Variants in PIGK observed in about 807,000 individuals in gnomAD.
The protein encoded by PIGK is GPI-anchor transamidase.
PIGK carries 42 observed loss-of-function variants against 50.6 expected under a neutral mutation model. The observed-to-expected ratio is 0.83, with a 90% CI of 0.65 to 1.07. The LOEUF (loss-of-function observed/expected upper bound fraction) is 1.07. PIGK is among the 50% of genes least tolerant of loss of function. The pLI, the probability that PIGK is intolerant of heterozygous loss-of-function variation, is 0.00. For synonymous variants in PIGK, 151 were observed against 156.0 expected, an observed-to-expected ratio of 0.97 and a Z score of 0.24; for missense variants, 448 against 488.7, an observed-to-expected ratio of 0.92 and a Z score of 0.78.
chr1:77,128,431 C>G (rs55957022), intron 9 of PIGK, among the ~76,000 whole-genome samples: 11,828 of 152,164 alleles, frequency 0.078, 623 homozygotes, highest in South Asian at 0.21. Context: ...GAAGACCTGC[C>G]AAGCAACTCA....
chr1:77,181,726 G>A (rs1358142307), intron 3 of PIGK, among the ~76,000 whole-genome samples: 3 of 151,600 alleles, frequency 2.0e-5, no homozygotes, highest in African/African-American at 7.2e-5. Flanking sequence ...TTTTCCCCCT[G>A]ACACAAATTA....
chr1:77,210,286 G>T (rs943649175), intron 2 of PIGK, 150 bp downstream of exon 2: 4 of 491,808 alleles, frequency 8.1e-6, no homozygotes, highest in Non-Finnish European at 1.5e-5. Flanking sequence ...TAGTTGATGT[G>T]GTCAATTTAA....
rs115928173 is a variant in PIGK, at chr1:77,115,565, C to T, written c.1071+6710G>A. On this transcript the variant is annotated intron_variant, in intron 10 of 10. Coordinates refer to ENST00000370812, the MANE Select transcript of PIGK (RefSeq NM_005482.3). ...CTGCACAATGAAAGAACTGTCCCATCCAAATACCTAGAATACTCCCAAAGA... is the reference window on the plus strand; with the variant it reads ...CTGCACAATGAAAGAACTGTCCCATTCAAATACCTAGAATACTCCCAAAGA... Among the ~76,000 whole-genome samples, 569 of 152,088 alleles carry T rather than the reference C, an allele frequency of 3.7e-3. 5 individuals carry two copies. Among genetic ancestry groups the T allele is most frequent in the African/African-American group, 0.013 (539 of 41,484 alleles).
chr1:77,176,842 TC>T (rs1655499901), intron 3 of PIGK, among the ~76,000 whole-genome samples: 1 of 151,968 alleles, frequency 6.6e-6, no homozygotes, highest in South Asian at 2.1e-4. Context: ...CCTTCCTGAG[TC>T]CTTAAAGTTT....
chr1:77,148,370 A>C (rs1160922865), intron 9 of PIGK, among the ~76,000 whole-genome samples: 3 of 152,252 alleles, frequency 2.0e-5, no homozygotes, highest in African/African-American at 7.2e-5. Flanking sequence ...CATTGTAAAT[A>C]AAATTTATTT....
chr1:77,197,941 T>A (rs1367710630), intron 3 of PIGK, among the ~76,000 whole-genome samples: 1 of 152,104 alleles, frequency 6.6e-6, no homozygotes, highest in East Asian at 1.9e-4. Context: ...ATATTAGATA[T>A]AAGACACCAA....
chr1:77,098,468 T>C lies in PIGK; in HGVS notation c.1072-5978A>G, dbSNP rs1037742077. On this transcript the variant is annotated intron_variant, in intron 10 of 10. Transcript: ENST00000370812. ...TGCCTCAACACCTCCCTCAAGTAGC[T>C]GGGATTACAGGTGTATGCCACCATG... Among the ~76,000 whole-genome samples, 4 of 152,036 alleles carry C rather than the reference T, an allele frequency of 2.6e-5. No individual in the cohort carries two copies. The East Asian group carries it at 7.8e-4, about 29-fold the overall frequency.
intron 9 of PIGK, among the ~76,000 whole-genome samples, chr1:77,149,168 GA>G (rs1290149445): frequency 6.6e-6 from 1 of 151,608 alleles, no homozygotes; most frequent in Non-Finnish European, 1.5e-5. Context: ...AAGGAAAATA[GA>G]AAAAAAGGAA....
At chr1:77,131,234 T>C (rs905014761) in intron 9 of PIGK, among the ~76,000 whole-genome samples, 3 of 151,636 alleles carry the variant, frequency 2.0e-5, no homozygotes, top group South Asian at 2.1e-4. Context: ...ATAAATAATA[T>C]AGGAATATAT....
At chr1:77,212,771 G>T (rs1219911880) in intron 1 of PIGK, among the ~76,000 whole-genome samples, 1 of 152,146 alleles carries the variant, frequency 6.6e-6, no homozygotes, top group Non-Finnish European at 1.5e-5. Context: ...TTATAAGTAT[G>T]TATGCACCCA....
At chr1:77,163,437 C>T (rs933266901) in intron 6 of PIGK, among the ~76,000 whole-genome samples, 1 of 152,030 alleles carries the variant, frequency 6.6e-6, no homozygotes, top group African/African-American at 2.4e-5. Context: ...AAATTTTATG[C>T]TAATCATAAT....
At chr1:77,181,754 A>C (rs1194723389) in intron 3 of PIGK, among the ~76,000 whole-genome samples, 1 of 152,196 alleles carries the variant, frequency 6.6e-6, no homozygotes, top group African/African-American at 2.4e-5. Flanking sequence ...TACTCTGTAG[A>C]TTACTGGTTC....
chr1:77,174,315 A>C (rs1370802245), intron 3 of PIGK, among the ~76,000 whole-genome samples: 5 of 152,174 alleles, frequency 3.3e-5, no homozygotes, highest in African/African-American at 9.7e-5. Flanking sequence ...TGGATATTCA[A>C]GCTCTAACAG....
chr1:77,164,027 A>G, intron 5 of PIGK, 85 bp from the exon 6 acceptor site: 1 of 686,122 alleles, frequency 1.5e-6, no homozygotes, highest in Non-Finnish European at 2.5e-6. Flanking sequence ...CATTCATTAC[A>G]TTTTGACATC....
At chr1:77,131,676 AT>A (rs1307675809) in intron 9 of PIGK, among the ~76,000 whole-genome samples, 1 of 152,094 alleles carries the variant, frequency 6.6e-6, no homozygotes, top group African/African-American at 2.4e-5. Context: ...AATATTTCTC[AT>A]TTAATGTATT....
At chr1:77,122,427 A>G in intron 9 of PIGK, 68 bp from the exon 10 acceptor site, 1 of 808,850 alleles carries the variant, frequency 1.2e-6, no homozygotes, top group Non-Finnish European at 2.1e-6. Context: ...AAATATTTAA[A>G]TATGTCAAAT....
chr1:77,171,213 G>T (rs978508208), intron 3 of PIGK, among the ~76,000 whole-genome samples: 3 of 151,764 alleles, frequency 2.0e-5, no homozygotes, highest in Non-Finnish European at 4.4e-5. Flanking sequence ...GAGGCGGGCG[G>T]ATCACGAGGT....
At position 77,099,146 on chromosome 1, in the gene PIGK, A is replaced by C. The variant is rs1000673451; in HGVS notation, c.1072-6656T>G. On this transcript the variant is annotated intron_variant, in intron 10 of 10. Coordinates refer to ENST00000370812, the MANE Select transcript of PIGK (RefSeq NM_005482.3). ...AATACAGGAAACATTGTACATCCACATATTAATCAATAAAAATATTTTCAA... is the reference window on the plus strand; with the variant it reads ...AATACAGGAAACATTGTACATCCACCTATTAATCAATAAAAATATTTTCAA... 5.3e-5 allele frequency among the ~76,000 whole-genome samples: 8 copies of C among 152,272 alleles called. No individual in the cohort carries two copies. The East Asian group carries it at 1.5e-3, about 29-fold the overall frequency.
At chr1:77,122,205 TA>T in intron 10 of PIGK, 69 bp downstream of exon 10, 1 of 1,029,800 alleles carries the variant, frequency 9.7e-7, no homozygotes. Flanking sequence ...CTGAAAAACC[TA>T]ACAAAAGCAA....
Sources: gnomAD v4.1 joint callset for allele counts (sites outside exome capture counted in the v4.1 genomes callset) on GRCh38, gnomAD v4.1.1 for gene constraint, MANE v1.5 for transcripts, NCBI Gene and HGNC (gene_info 2026-07-23, HGNC 2026-07-21) for gene names.